Variants in LRP5 observed in about 807,000 individuals in gnomAD.
The protein encoded by LRP5 is LDL receptor related protein 5.
Under a neutral mutation model 154.1 loss-of-function variants are expected in LRP5, and 62 were observed. The observed-to-expected ratio is 0.40, with a 90% CI of 0.33 to 0.50. The LOEUF is 0.50. Ranked by LOEUF, LRP5 falls within the 20% of genes least tolerant of loss-of-function variation. The pLI, the probability that LRP5 is intolerant of heterozygous loss-of-function variation, is 0.55. For missense variants in LRP5, 1,915 were observed against 2,336.7 expected, an observed-to-expected ratio of 0.82 and a Z score of 3.72; for synonymous variants, 966 against 1,011.5, an observed-to-expected ratio of 0.96 and a Z score of 0.85.
At chr11:68,325,714 C>G (rs1329048059) in intron 1 of LRP5, among the ~76,000 whole-genome samples, 1 of 152,200 alleles carries the variant, frequency 6.6e-6, no homozygotes, top group Non-Finnish European at 1.5e-5. Flanking sequence ...GCAGGCCCCC[C>G]TCACCCGTTC....
At chr11:68,401,341 A>G (rs2098652530) in intron 7 of LRP5, among the ~76,000 whole-genome samples, 1 of 152,198 alleles carries the variant, frequency 6.6e-6, no homozygotes, top group Admixed American at 6.5e-5. Context: ...GCATGGGTGG[A>G]GAGCTCAGAC....
intron 1 of LRP5, among the ~76,000 whole-genome samples, chr11:68,316,985 C>T (rs964302080): frequency 5.9e-5 from 9 of 152,226 alleles, no homozygotes; most frequent in East Asian, 1.9e-4. Flanking sequence ...TGGCGGGAGC[C>T]GGGGCTACAT....
At chr11:68,305,772 T>C in the LRP5 span, among the ~76,000 whole-genome samples, 1 of 152,170 alleles carries the variant, frequency 6.6e-6, no homozygotes, top group African/African-American at 2.4e-5. Flanking sequence ...AATACAAGAA[T>C]GGCCTAACAC....
chr11:68,404,131 G>A (rs1249573803), intron 8 of LRP5: 1 of 425,438 alleles, frequency 2.4e-6, no homozygotes. Flanking sequence ...TGTGGCCCAC[G>A]CATGTGCACC....
rs1036528598 is a variant in LRP5, at chr11:68,433,711, C to T, written c.3873C>T (p.Asp1291=). The change falls in exon 18 of 23, where the codon GAC becomes GAT. Residue 1291 remains aspartate, a synonymous_variant. Transcript: ENST00000294304. ...DGFPECDDQS[D]EEGCPVCSAA... ...TTCCCGAGTGCGATGACCAGAGCGA[C>T]GAGGAGGGCTGCCCCGTGTGCTCCG... is the stretch of plus-strand genomic sequence containing the variant. 1.6e-5 allele frequency: 26 copies of T among 1,612,932 alleles called. No individual in the cohort carries two copies. Among genetic ancestry groups the T allele is most frequent in the Admixed American group, 3.3e-5 (2 of 60,006 alleles).
intron 2 of LRP5, among the ~76,000 whole-genome samples, chr11:68,352,132 C>G (rs2098619196): frequency 6.6e-6 from 1 of 152,142 alleles, no homozygotes; most frequent in African/African-American, 2.4e-5. Context: ...GGGGCAGGAG[C>G]CCTCTCCACG....
intron 21 of LRP5, among the ~76,000 whole-genome samples, chr11:68,440,890 T>C (rs1401265202): frequency 1.3e-5 from 2 of 152,122 alleles, no homozygotes; most frequent in East Asian, 1.9e-4. Context: ...TGCCTCAGCC[T>C]CCCTAGTAGC....
Position 68,318,298 on chromosome 11 carries a change from G to A in LRP5, c.91+5493G>A, listed in dbSNP as rs189313036. On this transcript the variant is annotated intron_variant, in intron 1 of 22. Coordinates refer to ENST00000294304, the MANE Select transcript of LRP5 (RefSeq NM_002335.4). ...CTCCATCTCCTGATCCTCCCGCTCG[G>A]CTTCCCAAGGTGCTGGGATTACAGG... Among the ~76,000 whole-genome samples the A allele has an allele frequency of 6.7e-3, 1,015 of 150,414 alleles. 10 individuals are homozygous for A. Among genetic ancestry groups the A allele is most frequent in the Non-Finnish European group, 0.011 (763 of 67,850 alleles).
chr11:68,360,533 G>A (rs565244806), intron 3 of LRP5, among the ~76,000 whole-genome samples: 3 of 152,356 alleles, frequency 2.0e-5, no homozygotes, highest in South Asian at 2.1e-4. Flanking sequence ...TGGAAGCGTC[G>A]TGTGTTGGGT....
At chr11:68,394,156 G>A (rs369134065) in intron 7 of LRP5, among the ~76,000 whole-genome samples, 1 of 152,124 alleles carries the variant, frequency 6.6e-6, no homozygotes, top group East Asian at 1.9e-4. Context: ...GTCCACATTG[G>A]ATACACGATG....
rs1489733622 is a variant in LRP5 at position 68,447,064 on chromosome 11, G to C, written c.4586+531G>C. 1 of 180,268 alleles carries C rather than the reference G, an allele frequency of 5.5e-6. No individual in the cohort carries two copies. The highest frequency in any genetic ancestry group is 1.2e-5 in the Non-Finnish European group (1 of 84,112). 11.2% of individuals were successfully genotyped at this position (180,268 alleles called of 1,614,324 possible). On this transcript the variant is annotated intron_variant, in intron 22 of 22. Transcript: ENST00000294304. The surrounding 1 kb of genome is among the most constrained non-coding windows in gnomAD (Gnocchi z 4.3). The stretch of plus-strand genomic sequence containing the variant: ...GGAAGCCAACGGGGCTGCTCAGCTG[G>C]ACACCAGCCCCCCGAGCTGCCCATG...
intron 5 of LRP5, among the ~76,000 whole-genome samples, chr11:68,377,377 G>A (rs755387842): frequency 1.3e-4 from 20 of 152,092 alleles, no homozygotes; most frequent in Non-Finnish European, 2.2e-4. Flanking sequence ...AGCTGCTCCT[G>A]GAGGGCCATA....
At chr11:68,422,568 C>G (rs1485432297) in intron 13 of LRP5, among the ~76,000 whole-genome samples, 1 of 152,200 alleles carries the variant, frequency 6.6e-6, no homozygotes, top group Non-Finnish European at 1.5e-5. Flanking sequence ...CCCAAAAGCC[C>G]AGGCTCATCC....
intron 1 of LRP5, among the ~76,000 whole-genome samples, chr11:68,344,081 C>T (rs774436481): frequency 6.6e-6 from 1 of 151,968 alleles, no homozygotes; most frequent in African/African-American, 2.4e-5. Flanking sequence ...TCAGGGGTGG[C>T]GCCTGGGTGC....
chr11:68,416,447 G>T lies in LRP5; in HGVS notation c.2947G>T (p.Asp983Tyr). The T allele has an allele frequency of 6.2e-7, 1 of 1,614,164 alleles. No homozygotes were observed. Among genetic ancestry groups the T allele is most frequent in the Non-Finnish European group, 8.5e-7 (1 of 1,180,026 alleles). The change falls in exon 13 of 23, where the codon GAC (aspartate) becomes TAC (tyrosine). Residue 983 changes from aspartate (D) to tyrosine (Y), a missense_variant. Physicochemically the swap from Asp to Tyr is radical, Grantham distance 160. Transcript: ENST00000294304. ...TGGACTGAGGAACGTCAAAGCCATC[G>T]ACTATGACCCACTGGACAAGTTCAT... Reference protein sequence around the residue: ...LHGLRNVKAIDYDPLDKFIYW... With the variant: ...LHGLRNVKAIYYDPLDKFIYW...
chr11:68,398,364 T>C (rs1312867655), intron 7 of LRP5, among the ~76,000 whole-genome samples: 3 of 152,220 alleles, frequency 2.0e-5, no homozygotes, highest in Non-Finnish European at 4.4e-5. Flanking sequence ...GGCCCATTCC[T>C]TGGTGTGCTG....
rs762447750 is a variant in LRP5 at position 68,411,511 on chromosome 11, G to A, written c.2394G>A (p.Thr798=). 39 of 1,613,640 alleles carry A rather than the reference G, an allele frequency of 2.4e-5. No homozygotes were observed. In the South Asian group the frequency reaches 2.5e-4, roughly 10 times the overall value. The change falls in exon 11 of 23, where the codon ACG becomes ACA. Residue 798 remains threonine, a synonymous_variant. Transcript: ENST00000294304. ...RAFMDGTNCM[T]LVDKVGRAND... ...TCATGGACGGGACCAACTGCATGAC[G>A]CTGGTGGACAAGGTGGGCCGGGCCA...
At chr11:68,359,523 G>T (rs1320172901) in intron 3 of LRP5, among the ~76,000 whole-genome samples, 4 of 152,176 alleles carry the variant, frequency 2.6e-5, no homozygotes, top group Non-Finnish European at 4.4e-5. Flanking sequence ...GGTGACAGGG[G>T]ACAGTGAGGG....
intron 1 of LRP5, among the ~76,000 whole-genome samples, chr11:68,346,679 A>G (rs1167790443): frequency 2.0e-5 from 3 of 152,198 alleles, no homozygotes; most frequent in African/African-American, 7.2e-5. Context: ...TGCAGTTTTC[A>G]TGAGGAATGT....
Sources: allele counts gnomAD v4.1 joint callset (sites outside exome capture counted in the v4.1 genomes callset), GRCh38; gene constraint gnomAD v4.1.1; non-coding constraint Gnocchi (gnomAD v3.1); transcripts MANE v1.5; gene names NCBI Gene and HGNC (gene_info 2026-07-23, HGNC 2026-07-21).